The following IQSEC3 variants were observed in gnomAD, a reference collection of about 807,000 sequenced individuals.
IQSEC3 encodes IQ motif and Sec7 domain ArfGEF 3.
Under a neutral mutation model 105.4 loss-of-function variants are expected in IQSEC3, and 50 were observed. The ratio of observed to expected loss-of-function variants is 0.47; its 90% CI spans 0.38 to 0.60. The LOEUF (loss-of-function observed/expected upper bound fraction) is 0.60, where lower values mean the gene tolerates loss of function less well. IQSEC3 is among the 20% of genes least tolerant of loss of function. The pLI is 0.00. For missense variants in IQSEC3, 1,415 were observed against 1,630.0 expected (o/e 0.87, Z 2.27); for synonymous variants, 708 against 746.0 (o/e 0.95, Z 0.83).
At chr12:129,757 G>C (rs1227608033) in intron 3 of IQSEC3, among the ~76,000 whole-genome samples, 2 of 152,096 alleles carry the variant, frequency 1.3e-5, no homozygotes, top group Non-Finnish European at 2.9e-5. Context: ...GCAGTCAGTA[G>C]AATCTGGGCC....
chr12:139,335 G>A lies in IQSEC3; in HGVS notation c.1972G>A (p.Gly658Ser), dbSNP rs1865922085. 6.3e-7 allele frequency: 1 copy of A among 1,575,672 alleles called. No homozygotes were observed. Among genetic ancestry groups the A allele is most frequent in the Admixed American group, 1.8e-5 (1 of 54,974 alleles). ...DTLRKRLYRI[G>S]LNLFNINPDK... ...CCTGCGCAAGCGGCTCTACCGCATC[G>A]GCCTCAACCTCTTCAACATGTAAGT... Residue 658 changes from glycine to serine, a missense_variant, in exon 4 of 14, where the codon GGC (glycine) becomes AGC (serine). Gly to Ser is a moderately conservative substitution (Grantham distance 56). Around this residue, in one of 6 missense-constraint regions of IQSEC3, gnomAD observed 213 missense variants for 306.2 expected, o/e 0.70. Coordinates refer to ENST00000538872, the MANE Select transcript of IQSEC3 (RefSeq NM_001170738.2).
intron 1 of IQSEC3, among the ~76,000 whole-genome samples, chr12:89,399 G>A (rs1487638330): frequency 6.6e-6 from 1 of 152,148 alleles, no homozygotes; most frequent in Non-Finnish European, 1.5e-5. Flanking sequence ...TGATAAAATA[G>A]CAAGAAATGA....
At chr12:73,239 C>T (rs1863396016) in intron 1 of IQSEC3, among the ~76,000 whole-genome samples, 1 of 152,178 alleles carries the variant, frequency 6.6e-6, no homozygotes. Flanking sequence ...GGGGAGAAAT[C>T]TTGGTACCTC....
Position 127,720 on chromosome 12 carries a change from G to A in IQSEC3, c.903+1808G>A, listed in dbSNP as rs549458771. ...ATGTCCTTTGCCCACTTTTTGATGG[G>A]GTTGTTTGTTTTTTTCTTGTAAATT... On this transcript the variant is annotated intron_variant, in intron 3 of 13. Transcript: ENST00000538872. Among the ~76,000 whole-genome samples, 6 of 152,208 alleles carry A rather than the reference G, an allele frequency of 3.9e-5. No homozygotes were observed. In the East Asian group the frequency reaches 1.2e-3, roughly 29 times the overall value.
chr12:144,126 G>C (rs1488389282), intron 5 of IQSEC3: 1 of 152,300 alleles, frequency 6.6e-6, no homozygotes, highest in Non-Finnish European at 1.5e-5. Flanking sequence ...GAAGTCCATA[G>C]GTCACTGACT....
chr12:116,217 A>G (rs1304670972), intron 2 of IQSEC3, among the ~76,000 whole-genome samples: 4 of 152,182 alleles, frequency 2.6e-5, no homozygotes, highest in African/African-American at 7.2e-5. Context: ...CCAAGGCCAC[A>G]ACGCAGGTAG....
chr12:126,544 G>GGTGTGTGTGTGTGTGTGT (rs56871643), intron 3 of IQSEC3, among the ~76,000 whole-genome samples: 2,322 of 145,744 alleles, frequency 0.016, 34 homozygotes, highest in Admixed American at 0.024. Flanking sequence ...CTTGATGGAA[G>GGTGTGTGTGTGTGTGTGT]GTGTGTGTGT....
intron 5 of IQSEC3, among the ~76,000 whole-genome samples, chr12:155,320 C>A (rs1555093882): frequency 6.6e-6 from 1 of 152,236 alleles, no homozygotes; most frequent in African/African-American, 2.4e-5. Flanking sequence ...CCCAGCCCCA[C>A]CCTCACCTGC....
chr12:156,771 C>T (rs535920721), intron 5 of IQSEC3, among the ~76,000 whole-genome samples: 21 of 152,274 alleles, frequency 1.4e-4, no homozygotes, highest in East Asian at 9.6e-4. Context: ...TTGGAAGATC[C>T]GAGTTCAGCC....
chr12:151,522 C>A (rs1866510624), intron 5 of IQSEC3, among the ~76,000 whole-genome samples: 1 of 152,218 alleles, frequency 6.6e-6, no homozygotes, highest in South Asian at 2.1e-4. Context: ...AGCATCCTAA[C>A]TGGGCCCCTG....
chr12:125,192 G>A (rs1865346044), intron 2 of IQSEC3, among the ~76,000 whole-genome samples: 1 of 152,188 alleles, frequency 6.6e-6, no homozygotes, highest in African/African-American at 2.4e-5. Context: ...CCATGACTCA[G>A]GCACAGCTTA....
chr12:100,020 C>G (rs577923914), intron 2 of IQSEC3, among the ~76,000 whole-genome samples: 5 of 148,836 alleles, frequency 3.4e-5, no homozygotes, highest in Admixed American at 2.1e-4. Flanking sequence ...CTGCACGTTT[C>G]TCTTTTCTTG....
chr12:173,039 G>A (rs1355166216), intron 13 of IQSEC3, among the ~76,000 whole-genome samples: 1 of 152,206 alleles, frequency 6.6e-6, no homozygotes, highest in African/African-American at 2.4e-5. Context: ...GGAGGCAGAT[G>A]AGCACAAGCC....
chr12:88,195 T>A (rs1455997927), intron 1 of IQSEC3, among the ~76,000 whole-genome samples: 2 of 152,202 alleles, frequency 1.3e-5, no homozygotes, highest in Non-Finnish European at 2.9e-5. Context: ...AAATCAGAGC[T>A]TCATTAGTTG....
chr12:94,267 T>C (rs1338424509), intron 1 of IQSEC3, among the ~76,000 whole-genome samples: 7 of 152,198 alleles, frequency 4.6e-5, no homozygotes, highest in African/African-American at 1.4e-4. Context: ...AGAAGAGTTG[T>C]GGGCATGATC....
At chr12:147,097 C>T (rs1311615461) in intron 5 of IQSEC3, among the ~76,000 whole-genome samples, 2 of 152,212 alleles carry the variant, frequency 1.3e-5, no homozygotes, top group African/African-American at 4.8e-5. Flanking sequence ...ACCTACCTGC[C>T]ACCCAGTCCT....
chr12:159,630 TTCTC>T (rs1394106550), intron 7 of IQSEC3, among the ~76,000 whole-genome samples: 1 of 152,122 alleles, frequency 6.6e-6, no homozygotes, highest in Non-Finnish European at 1.5e-5. Context: ...CTGTTACTCT[TTCTC>T]TCTCTCTGAA....
chr12:146,312 C>T (rs550284062), intron 5 of IQSEC3, among the ~76,000 whole-genome samples: 20 of 152,182 alleles, frequency 1.3e-4, no homozygotes, highest in Non-Finnish European at 2.4e-4. Flanking sequence ...CTTATGTGTC[C>T]GGAGGAGATA....
chr12:100,409 T>C (rs1555075880), intron 2 of IQSEC3, among the ~76,000 whole-genome samples: 1 of 152,212 alleles, frequency 6.6e-6, no homozygotes, highest in African/African-American at 2.4e-5. Flanking sequence ...TTTCCCCCTT[T>C]ATCCTCTGGA....
Sources: gnomAD v4.1 joint callset for allele counts (sites outside exome capture counted in the v4.1 genomes callset) on GRCh38, gnomAD v4.1.1 for gene constraint, gnomAD v4.1.1 regional missense constraint, MANE v1.5 for transcripts, NCBI Gene and HGNC (gene_info 2026-07-23, HGNC 2026-07-21) for gene names.